The following SLC8A1 variants were observed in gnomAD, a reference collection of about 807,000 sequenced individuals.
The protein encoded by SLC8A1 is sodium/calcium exchanger 1.
A neutral mutation model predicts 68.3 loss-of-function variants in SLC8A1; 18 were observed. The observed-to-expected ratio is 0.26, with a 90% CI of 0.18 to 0.39. The LOEUF (loss-of-function observed/expected upper bound fraction) is 0.39, where lower values mean the gene tolerates loss of function less well. SLC8A1 is among the 10% of genes least tolerant of loss of function. The pLI is 1.00. For synonymous variants in SLC8A1, 475 were observed against 415.5 expected (o/e 1.14, Z -1.74); for missense variants, 985 against 1,156.7 (o/e 0.85, Z 2.15).
chr2:40,107,308 C>A (rs1376542528), exon 8 of SLC8A1: 2 of 82,078 alleles, frequency 2.4e-5, no homozygotes, highest in Non-Finnish European at 5.9e-5. Flanking sequence ...AAGAAAATGC[C>A]GATTAACAAC....
intron 2 of SLC8A1, among the ~76,000 whole-genome samples, chr2:40,201,790 C>T (rs77778785): frequency 0.014 from 2,063 of 152,018 alleles, 55 homozygotes; most frequent in African/African-American, 0.047. Context: ...AACTTACCAT[C>T]AAGGCCACAG....
chr2:40,246,900 C>G (rs1039774822), intron 2 of SLC8A1, among the ~76,000 whole-genome samples: 1 of 151,932 alleles, frequency 6.6e-6, no homozygotes, highest in African/African-American at 2.4e-5. Flanking sequence ...ACAGTAGCTA[C>G]CAGTGCCTGG....
intron 2 of SLC8A1, among the ~76,000 whole-genome samples, chr2:40,354,120 T>C (rs1671969122): frequency 6.6e-6 from 1 of 152,184 alleles, no homozygotes; most frequent in African/African-American, 2.4e-5. Context: ...TTTTCAGATC[T>C]CCCTCCATAT....
At chr2:40,132,989 T>C (rs1194241887) in intron 7 of SLC8A1, among the ~76,000 whole-genome samples, 1 of 152,236 alleles carries the variant, frequency 6.6e-6, no homozygotes, top group Non-Finnish European at 1.5e-5. Context: ...GTGTAAATAA[T>C]GATAATAGTT....
intron 6 of SLC8A1, among the ~76,000 whole-genome samples, chr2:40,144,199 C>T (rs980560360): frequency 2.6e-5 from 4 of 152,140 alleles, no homozygotes; most frequent in South Asian, 2.1e-4. Context: ...TTTCCCCAAG[C>T]TGCTTGCTTT....
At chr2:40,234,427 T>G (rs561657778) in intron 2 of SLC8A1, among the ~76,000 whole-genome samples, 1 of 152,238 alleles carries the variant, frequency 6.6e-6, no homozygotes, top group Admixed American at 6.5e-5. Context: ...TAAGAATGCT[T>G]GTGATTTTGG....
chr2:40,396,693 T>G (rs750335442), intron 2 of SLC8A1, among the ~76,000 whole-genome samples: 4 of 147,102 alleles, frequency 2.7e-5, no homozygotes, highest in Non-Finnish European at 3.0e-5. Flanking sequence ...CTAGTCTAAG[T>G]GAGCTTTTAT....
chr2:40,311,324 A>G (rs947855337), intron 2 of SLC8A1, among the ~76,000 whole-genome samples: 8 of 152,284 alleles, frequency 5.3e-5, no homozygotes, highest in African/African-American at 1.7e-4. Context: ...TAACTTTTAA[A>G]TCAGTTTCTT....
chr2:40,389,245 G>T (rs2149590173), intron 2 of SLC8A1, among the ~76,000 whole-genome samples: 1 of 152,042 alleles, frequency 6.6e-6, no homozygotes, highest in East Asian at 1.9e-4. Context: ...TGTATAGAAA[G>T]GATTTTTTTT....
rs187268242 is a variant in SLC8A1 at position 40,431,041 on chromosome 2, G to A, written c.-24-737C>T. On this transcript the variant is annotated intron_variant, in intron 1 of 7. Coordinates refer to ENST00000406785, the Ensembl canonical transcript of SLC8A1. ...AGTTTTTAAAAGCATGTTTTGATGA[G>A]AGCACATTTCTTTCTAATTTTCAGC... 2.6e-5 allele frequency among the ~76,000 whole-genome samples: 4 copies of A among 152,266 alleles called. No individual in the cohort carries two copies. The East Asian group carries it at 7.7e-4, about 29-fold the overall frequency.
intron 2 of SLC8A1, among the ~76,000 whole-genome samples, chr2:40,286,743 T>A (rs547924840): frequency 2.4e-4 from 37 of 152,298 alleles, no homozygotes; most frequent in Middle Eastern, 3.4e-3. Flanking sequence ...AATTTTCAGC[T>A]GCAACCAAAC....
chr2:40,383,290 C>T (rs566829127), intron 2 of SLC8A1, among the ~76,000 whole-genome samples: 7 of 152,002 alleles, frequency 4.6e-5, no homozygotes, highest in Admixed American at 1.3e-4. Context: ...TTTTACATAC[C>T]GGAACAAATT....
At chr2:40,441,610 C>T (rs540226907) in intron 1 of SLC8A1, among the ~76,000 whole-genome samples, 1 of 152,140 alleles carries the variant, frequency 6.6e-6, no homozygotes, top group South Asian at 2.1e-4. Flanking sequence ...ATAAATAACA[C>T]TACACATCTA....
At chr2:40,334,409 A>G (rs1665277903) in intron 2 of SLC8A1, among the ~76,000 whole-genome samples, 1 of 152,240 alleles carries the variant, frequency 6.6e-6, no homozygotes, top group South Asian at 2.1e-4. Flanking sequence ...AAGGCCATAT[A>G]TCTGGACAAT....
chr2:40,451,732 C>CATCA (rs1195159597), intron 1 of SLC8A1, among the ~76,000 whole-genome samples, 172 bp downstream of exon 1: 2 of 136,342 alleles, frequency 1.5e-5, no homozygotes, highest in Admixed American at 7.7e-5. Context: ...CGCGCACACA[C>CATCA]CACATCACAC....
intron 2 of SLC8A1, among the ~76,000 whole-genome samples, chr2:40,310,141 T>C (rs897680619): frequency 6.6e-6 from 1 of 152,232 alleles, no homozygotes; most frequent in Non-Finnish European, 1.5e-5. Flanking sequence ...TGTACTAACA[T>C]CTTCCAAGTA....
At chr2:40,360,766 T>C (rs987392512) in intron 2 of SLC8A1, among the ~76,000 whole-genome samples, 1 of 152,142 alleles carries the variant, frequency 6.6e-6, no homozygotes, top group Non-Finnish European at 1.5e-5. Flanking sequence ...CACTACTCCA[T>C]GAGACTCTAG....
At chr2:40,214,479 G>A (rs1168779284) in intron 2 of SLC8A1, among the ~76,000 whole-genome samples, 4 of 142,956 alleles carry the variant, frequency 2.8e-5, no homozygotes, top group Non-Finnish European at 6.0e-5. Flanking sequence ...GTCTTACACT[G>A]TCTCCTGGGC....
intron 2 of SLC8A1, among the ~76,000 whole-genome samples, chr2:40,257,721 T>C (rs1200416871): frequency 6.6e-6 from 1 of 152,200 alleles, no homozygotes; most frequent in East Asian, 1.9e-4. Flanking sequence ...GCAAGTGATT[T>C]CTCTGCATGT....
Sources: gnomAD v4.1 joint callset for allele counts (sites outside exome capture counted in the v4.1 genomes callset) on GRCh38, gnomAD v4.1.1 for gene constraint, MANE v1.5 for transcripts, NCBI Gene and HGNC (gene_info 2026-07-23, HGNC 2026-07-21) for gene names.